DNMT3A: variants seen among roughly 807,000 people sequenced by gnomAD.
The protein encoded by DNMT3A is DNA (cytosine-5)-methyltransferase 3A.
In DNMT3A, 267 loss-of-function variants were observed where a neutral mutation model predicts 117.6. The observed-to-expected ratio is 2.27, with a 90% confidence interval of 2.05 to 2.51. DNMT3A has a LOEUF of 2.51. Ranked by LOEUF, DNMT3A falls within the 30% of genes most tolerant of loss-of-function variation. DNMT3A has a pLI of 0.00. For missense variants in DNMT3A, 1,029 were observed against 1,260.2 expected, an observed-to-expected ratio of 0.82 and a Z score of 2.78; for synonymous variants, 432 against 474.8, an observed-to-expected ratio of 0.91 and a Z score of 1.17.
In DNMT3A at chr2:25,286,209, C is replaced by T. The variant is rs1301878982; in HGVS notation, c.178-3498G>A. 1.3e-5 allele frequency among the ~76,000 whole-genome samples: 2 copies of T among 152,304 alleles called. No homozygotes were observed. The highest frequency in any genetic ancestry group is 4.1e-4 in the South Asian group (2 of 4,832). On this transcript the variant is annotated intron_variant, in intron 3 of 22. Coordinates refer to ENST00000321117, the MANE Select transcript of DNMT3A (RefSeq NM_022552.5). This position sits in a 1 kb window ranked among gnomAD's most constrained non-coding sequence, Gnocchi z 4.3. Reference sequence around the variant, plus strand: ...CCGTAGCATAGAGACCTATGAGGGCCGGCTCTGAGGCCCAACACAGCCCCA... The same window carrying T: ...CCGTAGCATAGAGACCTATGAGGGCTGGCTCTGAGGCCCAACACAGCCCCA...
chr2:25,250,408 C>G (rs1270931312), intron 6 of DNMT3A, among the ~76,000 whole-genome samples: 2 of 152,188 alleles, frequency 1.3e-5, no homozygotes, highest in South Asian at 2.1e-4. Flanking sequence ...GCCCCCAACC[C>G]CCAAACAGCT....
intron 3 of DNMT3A, among the ~76,000 whole-genome samples, chr2:25,290,143 G>A (rs951923670): frequency 1.3e-5 from 2 of 152,014 alleles, no homozygotes; most frequent in African/African-American, 2.4e-5. Context: ...TTTTATGGAA[G>A]TAATTAAAAA....
intron 6 of DNMT3A, among the ~76,000 whole-genome samples, chr2:25,274,463 A>G (rs1437554335): frequency 6.6e-6 from 1 of 151,964 alleles, no homozygotes; most frequent in Non-Finnish European, 1.5e-5. Context: ...CTCCTTTGCC[A>G]TTTCACCCTG....
intron 1 of DNMT3A, among the ~76,000 whole-genome samples, chr2:25,316,421 C>G (rs745763503): frequency 7.9e-5 from 12 of 152,250 alleles, no homozygotes; most frequent in Non-Finnish European, 4.4e-5. Flanking sequence ...GAAAATGCAG[C>G]TGACCTGGGT....
At chr2:25,280,311 C>A (rs1165432178) in intron 4 of DNMT3A, among the ~76,000 whole-genome samples, 4 of 130,896 alleles carry the variant, frequency 3.1e-5, no homozygotes, top group Non-Finnish European at 6.6e-5. Flanking sequence ...CCCCACCCCC[C>A]GCCTCCCCGC....
chr2:25,277,416 G>T (rs1205359414), intron 4 of DNMT3A, among the ~76,000 whole-genome samples: 1 of 152,118 alleles, frequency 6.6e-6, no homozygotes. Flanking sequence ...GCGCCTGCTC[G>T]CGATCAGGTG....
Position 25,237,534 on chromosome 2 carries a change from G to A in DNMT3A, c.2409-529C>T, listed in dbSNP as rs1351943302. ...TGCAATCCCAGCCCTTTGGAAGGCT[G>A]AGGCAGGCGGGTCACCTGAGGTCAG... is the stretch of plus-strand genomic sequence containing the variant. On this transcript the variant is annotated intron_variant, in intron 20 of 22. Transcript: ENST00000321117. This position sits in a 1 kb window ranked among gnomAD's most constrained non-coding sequence, Gnocchi z 5.4. Among the ~76,000 whole-genome samples, 1 of 152,200 alleles carries A rather than the reference G, an allele frequency of 6.6e-6. No individual in the cohort carries two copies. Among genetic ancestry groups the A allele is most frequent in the African/African-American group, 2.4e-5 (1 of 41,456 alleles).
At chr2:25,249,125 T>G (rs561297472) in intron 6 of DNMT3A, among the ~76,000 whole-genome samples, 3 of 152,224 alleles carry the variant, frequency 2.0e-5, no homozygotes, top group Non-Finnish European at 4.4e-5. Flanking sequence ...ACTAGGATCT[T>G]CAGCCAGGCA....
chr2:25,244,617 G>A lies in DNMT3A; in HGVS notation c.1590C>T (p.Asp530=), dbSNP rs769420114. The stretch of plus-strand genomic sequence containing the variant: ...TGGTGCAGTAGGACTGGTAGCCGTC[G>A]TCGTCGTACTGGTACGCACACTCCA... ...CFLECAYQYD[D]DGYQSYCTIC... is the part of the protein sequence containing the mutation. Residue 530 remains aspartate, a synonymous_variant, in exon 14 of 23, where the codon GAC becomes GAT. Coordinates refer to ENST00000321117, the MANE Select transcript of DNMT3A (RefSeq NM_022552.5). The A allele has an allele frequency of 7.4e-6, 12 of 1,614,176 alleles. No homozygotes were observed. The highest frequency in any genetic ancestry group is 3.3e-5 in the South Asian group (3 of 91,088).
At chr2:25,279,386 C>T (rs2031713251) in intron 4 of DNMT3A, among the ~76,000 whole-genome samples, 1 of 152,198 alleles carries the variant, frequency 6.6e-6, no homozygotes, top group South Asian at 2.1e-4. Context: ...CACGGCCGAG[C>T]CACATCCTCT....
In DNMT3A at chr2:25,247,553, TC is replaced by T; in HGVS notation, c.1014+37del. 6.2e-7 allele frequency: 1 copy of T among 1,600,372 alleles called. No homozygotes were observed. Among genetic ancestry groups the T allele is most frequent in the Non-Finnish European group, 8.5e-7 (1 of 1,171,886 alleles). ...CCACAGGCCCTGGGATCAAGAACCT[TC>T]CCCCACCCCAGGCTACTGCCAAACC... is the stretch of plus-strand genomic sequence containing the variant. On this transcript the variant is annotated intron_variant, in intron 8 of 22. Coordinates refer to ENST00000321117, the MANE Select transcript of DNMT3A (RefSeq NM_022552.5). The surrounding 1 kb of genome is among the most constrained non-coding windows in gnomAD (Gnocchi z 5.6).
chr2:25,324,154 C>A (rs2034702476), intron 1 of DNMT3A, among the ~76,000 whole-genome samples: 1 of 152,258 alleles, frequency 6.6e-6, no homozygotes, highest in Non-Finnish European at 1.5e-5. Flanking sequence ...GTATTCAATG[C>A]CCTGCCCAAT....
chr2:25,335,822 TG>T (rs2035194703), intron 1 of DNMT3A, among the ~76,000 whole-genome samples: 1 of 152,134 alleles, frequency 6.6e-6, no homozygotes, highest in Non-Finnish European at 1.5e-5. Flanking sequence ...TCAATAGGGA[TG>T]GTGGTGAGCA....
At chr2:25,313,723 T>C (rs1025697213) in intron 2 of DNMT3A, among the ~76,000 whole-genome samples, 190 bp downstream of exon 2, 1 of 152,190 alleles carries the variant, frequency 6.6e-6, no homozygotes, top group Admixed American at 6.5e-5. Flanking sequence ...GCCTGCTCCA[T>C]CACCAGAATT....
At chr2:25,332,186 G>A (rs1329582565) in intron 1 of DNMT3A, among the ~76,000 whole-genome samples, 3 of 152,156 alleles carry the variant, frequency 2.0e-5, no homozygotes, top group African/African-American at 4.8e-5. Flanking sequence ...CAAGCCCAAC[G>A]TCCGTTCATA....
rs1573335349 is a variant in DNMT3A, at chr2:25,246,436, T to G, written c.1280-127A>C. The G allele has an allele frequency of 5.5e-6, 8 of 1,444,370 alleles. No individual in the cohort carries two copies. In the East Asian group the frequency reaches 1.8e-4, roughly 33 times the overall value. The allele number at this position is 1,444,370 out of a possible 1,614,324, so 89.5% of individuals were successfully genotyped here. A position where few individuals can be genotyped will look rare whatever the true frequency, so the allele number is the denominator to read the frequency against. Reference sequence around the variant, plus strand: ...TTGTTCCCACCTCCCAACTCTACGGTTCTAGCCAACCAACAGAGAGCAGGT... The same window carrying G: ...TTGTTCCCACCTCCCAACTCTACGGGTCTAGCCAACCAACAGAGAGCAGGT... On this transcript the variant is annotated intron_variant, in intron 10 of 22. Coordinates refer to ENST00000321117, the MANE Select transcript of DNMT3A (RefSeq NM_022552.5).
Position 25,286,420 on chromosome 2 carries a change from G to C in DNMT3A, c.178-3709C>G, listed in dbSNP as rs2149385538. On this transcript the variant is annotated intron_variant, in intron 3 of 22. Transcript: ENST00000321117. This position sits in a 1 kb window ranked among gnomAD's most constrained non-coding sequence, Gnocchi z 4.3. The stretch of plus-strand genomic sequence containing the variant: ...GCATGTTGCACATTTCCAGCCCCGG[G>C]TTAGCTCACCCGCTGAAATCCCCAC... Among the ~76,000 whole-genome samples the C allele has an allele frequency of 6.6e-6, 1 of 152,312 alleles. No individual in the cohort carries two copies. The highest frequency in any genetic ancestry group is 1.9e-4 in the East Asian group (1 of 5,194).
intron 6 of DNMT3A, among the ~76,000 whole-genome samples, chr2:25,274,229 C>T (rs1033370124): frequency 3.3e-5 from 5 of 152,210 alleles, no homozygotes; most frequent in Non-Finnish European, 5.9e-5. Context: ...CCCTCCCTGC[C>T]GGTCCATCAG....
At chr2:25,299,484 G>A (rs2033295005) in intron 3 of DNMT3A, among the ~76,000 whole-genome samples, 1 of 152,220 alleles carries the variant, frequency 6.6e-6, no homozygotes, top group Non-Finnish European at 1.5e-5. Context: ...AGATAGTCCA[G>A]GGAGATCTTA....
Sources: allele counts gnomAD v4.1 joint callset (sites outside exome capture counted in the v4.1 genomes callset), GRCh38; gene constraint gnomAD v4.1.1; non-coding constraint Gnocchi (gnomAD v3.1); transcripts MANE v1.5; gene names NCBI Gene and HGNC (gene_info 2026-07-23, HGNC 2026-07-21).